Variants in PEX2 observed in about 807,000 individuals in gnomAD.
The protein encoded by PEX2 is peroxisome biogenesis factor 2.
In PEX2, 19 loss-of-function variants were observed where a neutral mutation model predicts 25.2. The observed-to-expected ratio is 0.75, with a 90% CI of 0.53 to 1.10. The LOEUF (loss-of-function observed/expected upper bound fraction) is 1.10. PEX2 is among the 50% of genes least tolerant of loss of function. The probability of loss-of-function intolerance (pLI) is 0.00; values close to 1 mark genes in which losing one functional copy is unlikely to be tolerated. For synonymous variants in PEX2, 141 were observed against 127.7 expected (o/e 1.10, Z -0.70); for missense variants, 347 against 350.6 (o/e 0.99, Z 0.08).
At position 76,984,107 on chromosome 8, in the gene PEX2, T is replaced by C. The variant is rs750660448; in HGVS notation, c.72A>G (p.Glu24=). 1 of 1,613,748 alleles carries C rather than the reference T, an allele frequency of 6.2e-7. No individual in the cohort carries two copies. Among genetic ancestry groups the C allele is most frequent in the Non-Finnish European group, 8.5e-7 (1 of 1,179,860 alleles). The part of the protein sequence containing the change: ...VLRISQLDAL[E]LNKALEQLVW... ...CTAGCTGCTCCAGGGCCTTGTTTAG[T>C]TCAAGTGCATCCAACTGGCTTATTC... Residue 24 remains glutamate (E), a synonymous_variant, in exon 4 of 4, where the codon GAA becomes GAG. Transcript: ENST00000357039.
At chr8:76,998,859 A>G (rs1807410702) in intron 1 of PEX2, among the ~76,000 whole-genome samples, 1 of 152,184 alleles carries the variant, frequency 6.6e-6, no homozygotes, top group Admixed American at 6.5e-5. Context: ...AAATTGTACA[A>G]AGGCAACTAG....
chr8:76,989,671 A>G (rs1469226736), intron 1 of PEX2, among the ~76,000 whole-genome samples: 1 of 152,220 alleles, frequency 6.6e-6, no homozygotes, highest in East Asian at 1.9e-4. Flanking sequence ...CATATCAATG[A>G]GCAGTAATAT....
At position 76,981,783 on chromosome 8, in the gene PEX2, T is replaced by C; in HGVS notation, c.*1478A>G. On this transcript the variant is annotated 3_prime_UTR_variant, in exon 4 of 4. Coordinates refer to ENST00000357039, the MANE Select transcript of PEX2 (RefSeq NM_000318.3). Reference sequence around the variant, plus strand: ...ATATTTTTTCCTGAATTGTTGGTGTTTTCTACAATAATGTTTTAAAATTAC... The same window carrying C: ...ATATTTTTTCCTGAATTGTTGGTGTCTTCTACAATAATGTTTTAAAATTAC... 1 of 152,212 alleles carries C rather than the reference T, an allele frequency of 6.6e-6. No homozygotes were observed. The allele number at this position is 152,212 out of a possible 1,614,324, so 9.4% of individuals were successfully genotyped here. A position where few individuals can be genotyped will look rare whatever the true frequency, so the allele number is the denominator to read the frequency against.
At chr8:76,990,172 C>A (rs766231546) in intron 1 of PEX2, among the ~76,000 whole-genome samples, 17 of 152,158 alleles carry the variant, frequency 1.1e-4, no homozygotes, top group Admixed American at 3.9e-4. Flanking sequence ...CTAGCTTCCA[C>A]CTTTTCTTCT....
At position 76,981,470 on chromosome 8, in the gene PEX2, AC is replaced by A. The variant is rs1358061015; in HGVS notation, c.*1790del. On this transcript the variant is annotated 3_prime_UTR_variant, in exon 4 of 4. Transcript: ENST00000357039. Reference sequence around the variant, plus strand: ...TGGGTGAGGCCCTTTCTCACCAAAAACAAACAAACAAACAAAAAACAAAGAC... The same window carrying A: ...TGGGTGAGGCCCTTTCTCACCAAAAAAAACAAACAAACAAAAAACAAAGAC... The A allele has an allele frequency of 6.6e-6, 1 of 152,140 alleles. No homozygotes were observed. Among genetic ancestry groups the A allele is most frequent in the African/African-American group, 2.4e-5 (1 of 41,414 alleles). 9.4% of individuals were successfully genotyped at this position (152,140 alleles called of 1,614,324 possible).
chr8:76,985,026 T>A (rs1806964095), intron 3 of PEX2, among the ~76,000 whole-genome samples: 1 of 152,110 alleles, frequency 6.6e-6, no homozygotes, highest in South Asian at 2.1e-4. Context: ...GTTAGCTAGG[T>A]ACAGCTTACT....
At chr8:76,993,661 A>G (rs981867092) in intron 1 of PEX2, among the ~76,000 whole-genome samples, 2 of 152,208 alleles carry the variant, frequency 1.3e-5, no homozygotes, top group Non-Finnish European at 2.9e-5. Context: ...GAATATTTTT[A>G]AAAATTACAA....
chr8:76,994,530 C>T (rs1315432559), intron 1 of PEX2, among the ~76,000 whole-genome samples: 3 of 152,046 alleles, frequency 2.0e-5, no homozygotes, highest in Non-Finnish European at 2.9e-5. Context: ...TATTATTGAC[C>T]TGTTCCAAGA....
intron 1 of PEX2, among the ~76,000 whole-genome samples, chr8:76,999,595 A>G (rs1807434732): frequency 1.3e-5 from 2 of 152,214 alleles, no homozygotes; most frequent in Admixed American, 1.3e-4. Flanking sequence ...AACACTTTAC[A>G]TGAACTTTCA....
At chr8:76,994,252 C>G (rs1172531905) in intron 1 of PEX2, among the ~76,000 whole-genome samples, 1 of 152,080 alleles carries the variant, frequency 6.6e-6, no homozygotes, top group African/African-American at 2.4e-5. Flanking sequence ...CCATCTATAT[C>G]ACATTCCAAA....
chr8:76,986,836 T>C (rs549002243), intron 2 of PEX2, among the ~76,000 whole-genome samples: 24 of 152,286 alleles, frequency 1.6e-4, no homozygotes, highest in African/African-American at 2.6e-4. Context: ...TTTTAAATGG[T>C]TTATTTCCTC....
upstream of PEX2, chr8:77,000,390 G>A (rs1054793101): frequency 8.0e-4 from 85 of 106,656 alleles, no homozygotes; most frequent in African/African-American, 2.1e-3. Context: ...AGGGGCCTAG[G>A]GGAAGCCGGG....
chr8:76,980,641 G>GT lies in PEX2; in HGVS notation c.*2619dup, dbSNP rs1342008042. 11 of 152,206 alleles carry GT rather than the reference G, an allele frequency of 7.2e-5. No individual in the cohort carries two copies. The highest frequency in any genetic ancestry group is 1.9e-4 in the African/African-American group (8 of 41,440). The allele number at this position is 152,206 out of a possible 1,614,324, so 9.4% of individuals were successfully genotyped here. A position where few individuals can be genotyped will look rare whatever the true frequency, so the allele number is the denominator to read the frequency against. Reference sequence around the variant, plus strand: ...AACAGTGAGCTCCTGGACTTTAGCTGTAACTATTAGGCAAGAGTATCTCAT... The same window carrying GT: ...AACAGTGAGCTCCTGGACTTTAGCTGTTAACTATTAGGCAAGAGTATCTCAT... On this transcript the variant is annotated 3_prime_UTR_variant, in exon 4 of 4. Coordinates refer to ENST00000357039, the MANE Select transcript of PEX2 (RefSeq NM_000318.3).
rs1489582730 is a variant in PEX2 at position 76,980,904 on chromosome 8, G to A, written c.*2357C>T. The A allele has an allele frequency of 6.6e-6, 1 of 152,192 alleles. No individual in the cohort carries two copies. The highest frequency in any genetic ancestry group is 2.4e-5 in the African/African-American group (1 of 41,436). The allele number at this position is 152,192 out of a possible 1,614,324, so 9.4% of individuals were successfully genotyped here. A position where few individuals can be genotyped will look rare whatever the true frequency, so the allele number is the denominator to read the frequency against. ...GCACATTGCCCTAGGTTATACACAAGTGGGATTTGAATTCTAGCGGAATCT... is the reference window on the plus strand; with the variant it reads ...GCACATTGCCCTAGGTTATACACAAATGGGATTTGAATTCTAGCGGAATCT... On this transcript the variant is annotated 3_prime_UTR_variant, in exon 4 of 4. Coordinates refer to ENST00000357039, the MANE Select transcript of PEX2 (RefSeq NM_000318.3).
At chr8:76,991,360 A>ATTT (rs1418024548) in intron 1 of PEX2, among the ~76,000 whole-genome samples, 3 of 152,080 alleles carry the variant, frequency 2.0e-5, no homozygotes, top group Non-Finnish European at 2.9e-5. Flanking sequence ...ACAGTTTAAC[A>ATTT]TTTTTTTCTT....
chr8:76,988,407 CTTATAT>C (rs1163062220), intron 1 of PEX2, 69 bp from the exon 2 acceptor site: 2 of 152,196 alleles, frequency 1.3e-5, no homozygotes, highest in African/African-American at 2.4e-5. Flanking sequence ...GCATATAAAA[CTTATAT>C]TTTCACTATA....
chr8:76,989,208 C>T (rs1466267655), intron 1 of PEX2, among the ~76,000 whole-genome samples: 1 of 151,834 alleles, frequency 6.6e-6, no homozygotes, highest in Non-Finnish European at 1.5e-5. Flanking sequence ...GAAGCAAGTC[C>T]TTATCAATTC....
chr8:76,991,519 A>AT (rs1027210927), intron 1 of PEX2, among the ~76,000 whole-genome samples: 4 of 152,044 alleles, frequency 2.6e-5, no homozygotes, highest in African/African-American at 9.7e-5. Flanking sequence ...ATTTCTCTCT[A>AT]TTTTTTGTTT....
chr8:76,997,265 T>C lies in PEX2; in HGVS notation c.-160+2725A>G, dbSNP rs568084702. Among the ~76,000 whole-genome samples, 144 of 152,304 alleles carry C rather than the reference T, an allele frequency of 9.5e-4. 1 individual carries two copies. Among genetic ancestry groups the C allele is most frequent in the South Asian group, 5.0e-3 (24 of 4,828 alleles). On this transcript the variant is annotated intron_variant, in intron 1 of 3. Transcript: ENST00000357039. The stretch of plus-strand genomic sequence containing the variant: ...AAACTCAAGGTGTGAACATTAACTA[T>C]TACGAACACATACATGCAAGGTAGA...
Sources: allele counts gnomAD v4.1 joint callset (sites outside exome capture counted in the v4.1 genomes callset), GRCh38; gene constraint gnomAD v4.1.1; transcripts MANE v1.5; gene names NCBI Gene and HGNC (gene_info 2026-07-23, HGNC 2026-07-21).